PTPRM: variants seen among roughly 807,000 people sequenced by gnomAD.
The protein encoded by PTPRM is receptor-type tyrosine-protein phosphatase mu.
In PTPRM, 47 loss-of-function variants were observed where a neutral mutation model predicts 186.7. The ratio of observed to expected loss-of-function variants is 0.25; its 90% CI spans 0.20 to 0.32. PTPRM has a LOEUF of 0.32. Ranked by LOEUF, PTPRM falls within the 10% of genes least tolerant of loss-of-function variation. The probability of loss-of-function intolerance (pLI) is 1.00; values close to 1 mark genes in which losing one functional copy is unlikely to be tolerated. For synonymous variants in PTPRM, 668 were observed against 674.9 expected (o/e 0.99, Z 0.16); for missense variants, 1,494 against 1,865.0 (o/e 0.80, Z 3.66).
intron 14 of PTPRM, among the ~76,000 whole-genome samples, chr18:8,229,817 A>T (rs2094262544): frequency 6.6e-6 from 1 of 152,228 alleles, no homozygotes; most frequent in South Asian, 2.1e-4. Flanking sequence ...CATGAAGTAC[A>T]CATGGTTATA....
At chr18:8,205,455 G>A (rs1049016048) in intron 14 of PTPRM, among the ~76,000 whole-genome samples, 10 of 152,028 alleles carry the variant, frequency 6.6e-5, no homozygotes, top group Admixed American at 2.6e-4. Context: ...TGAGTCCTTT[G>A]GGTTTGCTTT....
intron 14 of PTPRM, among the ~76,000 whole-genome samples, chr18:8,154,031 T>C (rs763556820): frequency 5.9e-5 from 9 of 152,192 alleles, no homozygotes; most frequent in Non-Finnish European, 1.2e-4. Context: ...CGCATGTGTT[T>C]TGTTACTGTG....
intron 30 of PTPRM, among the ~76,000 whole-genome samples, chr18:8,384,985 G>A (rs2095762655): frequency 6.6e-6 from 1 of 152,190 alleles, no homozygotes; most frequent in African/African-American, 2.4e-5. Context: ...GCTCAACTCC[G>A]AGTGTGGCAT....
intron 1 of PTPRM, among the ~76,000 whole-genome samples, chr18:7,733,998 T>TTACC (rs1356565995): frequency 2.0e-5 from 3 of 152,194 alleles, no homozygotes; most frequent in Non-Finnish European, 4.4e-5. Context: ...TATGACTACC[T>TTACC]TACCTACCAT....
intron 2 of PTPRM, among the ~76,000 whole-genome samples, chr18:7,881,737 C>T (rs763616140): frequency 5.3e-5 from 8 of 152,168 alleles, no homozygotes; most frequent in Non-Finnish European, 1.2e-4. Flanking sequence ...TGCAGATGTA[C>T]GTGGTGATTC....
chr18:8,046,434 T>G (rs892276379), intron 7 of PTPRM, among the ~76,000 whole-genome samples: 1 of 152,206 alleles, frequency 6.6e-6, no homozygotes, highest in Non-Finnish European at 1.5e-5. Context: ...AATGCATAGC[T>G]GAGTATACCA....
chr18:7,729,537 A>C (rs1199445293), intron 1 of PTPRM, among the ~76,000 whole-genome samples: 2 of 152,150 alleles, frequency 1.3e-5, no homozygotes, highest in African/African-American at 2.4e-5. Flanking sequence ...TGAAAAAAAA[A>C]CAGTACAAAA....
chr18:7,866,658 A>G (rs1414567993), intron 2 of PTPRM, among the ~76,000 whole-genome samples: 2 of 152,278 alleles, frequency 1.3e-5, no homozygotes, highest in Middle Eastern at 3.4e-3. Context: ...AAAAATTCAT[A>G]TTCTGTTGAT....
At chr18:7,885,063 A>G (rs961404774) in intron 2 of PTPRM, among the ~76,000 whole-genome samples, 1 of 151,982 alleles carries the variant, frequency 6.6e-6, no homozygotes, top group Non-Finnish European at 1.5e-5. Flanking sequence ...CAAAACTAAT[A>G]AAAGTGCTGG....
chr18:8,285,630 G>T (rs2147783668), intron 19 of PTPRM, among the ~76,000 whole-genome samples: 1 of 152,298 alleles, frequency 6.6e-6, no homozygotes, highest in East Asian at 1.9e-4. Context: ...GCACTGCCTG[G>T]CTGGATTGGA....
rs565005232 is a variant in PTPRM at position 7,737,331 on chromosome 18, G to A, written c.74-36818G>A. 1.8e-3 allele frequency among the ~76,000 whole-genome samples: 270 copies of A among 152,118 alleles called. 2 individuals are homozygous for A. Among genetic ancestry groups the A allele is most frequent in the Non-Finnish European group, 2.9e-3 (195 of 67,976 alleles). On this transcript the variant is annotated intron_variant, in intron 1 of 32. Transcript: ENST00000580170. ...GGGCTGGTCTTGAACTCCTGACCCC[G>A]TGATCCACCTGCCTCGGCCTCCCAA... is the stretch of plus-strand genomic sequence containing the variant.
chr18:8,073,762 C>T (rs1219924716), intron 8 of PTPRM, among the ~76,000 whole-genome samples: 2 of 152,082 alleles, frequency 1.3e-5, no homozygotes, highest in Non-Finnish European at 2.9e-5. Context: ...AATAAATTAG[C>T]TGGCATGCTG....
rs547188846 is a variant in PTPRM at position 8,237,990 on chromosome 18, A to G, written c.2301-6068A>G. 9.2e-5 allele frequency among the ~76,000 whole-genome samples: 14 copies of G among 152,136 alleles called. 1 individual carries two copies. In the South Asian group the frequency reaches 2.9e-3, roughly 32 times the overall value. ...TTTTAAGACTTTATCTTTGTCTGCA[A>G]TTTGAATATGATATTACTAGGTGTA... On this transcript the variant is annotated intron_variant, in intron 14 of 32. Coordinates refer to ENST00000580170, the MANE Select transcript of PTPRM (RefSeq NM_001105244.2).
intron 19 of PTPRM, among the ~76,000 whole-genome samples, chr18:8,292,313 A>T (rs1016564233): frequency 6.6e-6 from 1 of 152,136 alleles, no homozygotes; most frequent in African/African-American, 2.4e-5. Context: ...GGAAAAAAAC[A>T]TTTTTAATCT....
chr18:7,920,236 A>G (rs992251771), intron 4 of PTPRM, among the ~76,000 whole-genome samples: 2 of 152,076 alleles, frequency 1.3e-5, no homozygotes, highest in Non-Finnish European at 2.9e-5. Context: ...TTTGTTGCTT[A>G]ATTTCTGGTT....
chr18:7,842,945 T>TAGAGAGAGAGAGAGAGAGAGAG (rs1230883241), intron 2 of PTPRM, among the ~76,000 whole-genome samples: 1 of 115,112 alleles, frequency 8.7e-6, no homozygotes, highest in East Asian at 3.6e-4. Flanking sequence ...TATATATATA[T>TAGAGAGAGAGAGAGAGAGAGAG]ATAGAGAGAG....
chr18:8,236,643 G>T (rs548796154), intron 14 of PTPRM, among the ~76,000 whole-genome samples: 1 of 152,186 alleles, frequency 6.6e-6, no homozygotes, highest in Admixed American at 6.5e-5. Context: ...CTGAGTTCAA[G>T]CAATCCTCCC....
chr18:8,275,983 A>C (rs926894778), intron 19 of PTPRM, among the ~76,000 whole-genome samples: 5 of 151,584 alleles, frequency 3.3e-5, no homozygotes, highest in African/African-American at 1.2e-4. Context: ...TGTGGTAAAG[A>C]CCTCTCGCTT....
In PTPRM at chr18:8,314,832, A is replaced by C. The variant is rs2095296606; in HGVS notation, c.2894A>C (p.Asp965Ala). Residue 965 changes from aspartate to alanine, a missense_variant, in exon 21 of 33, where the codon GAC becomes GCC. Around this residue, in one of 3 missense-constraint regions of PTPRM, gnomAD observed 1,107 missense variants for 1,350.2 expected, o/e 0.82. Coordinates refer to ENST00000580170, the MANE Select transcript of PTPRM (RefSeq NM_001105244.2). Reference protein sequence around the residue: ...LQTIEGDTNSDYINGNYIDGY... With the variant: ...LQTIEGDTNSAYINGNYIDGY... ...ACAATAGAAGGAGACACAAACTCAG[A>C]CTATATCAATGGCAATTATATCGAT... is the stretch of plus-strand genomic sequence containing the variant. 2 of 1,608,108 alleles carry C rather than the reference A, an allele frequency of 1.2e-6. No individual in the cohort carries two copies. Among genetic ancestry groups the C allele is most frequent in the Non-Finnish European group, 8.5e-7 (1 of 1,175,206 alleles).
Sources: allele counts gnomAD v4.1 joint callset (sites outside exome capture counted in the v4.1 genomes callset), GRCh38; gene constraint gnomAD v4.1.1; regional missense constraint gnomAD v4.1.1; transcripts MANE v1.5; gene names NCBI Gene and HGNC (gene_info 2026-07-23, HGNC 2026-07-21).